The following RAB38 variants were observed in gnomAD, a reference collection of about 807,000 sequenced individuals.
RAB38 encodes the protein RAB38, member RAS oncogene family.
A neutral mutation model predicts 18.4 loss-of-function variants in RAB38; 15 were observed. The ratio of observed to expected loss-of-function variants is 0.82; its 90% CI spans 0.55 to 1.26. The LOEUF is 1.26. Ranked by LOEUF, RAB38 falls within the 50% of genes most tolerant of loss-of-function variation. RAB38 has a pLI of 0.00. For missense variants in RAB38, 294 were observed against 267.4 expected, an observed-to-expected ratio of 1.10 and a Z score of -0.69; for synonymous variants, 101 against 104.4, an observed-to-expected ratio of 0.97 and a Z score of 0.20.
intron 2 of RAB38, among the ~76,000 whole-genome samples, chr11:88,142,170 T>A (rs1942923022): frequency 1.3e-5 from 2 of 152,156 alleles, no homozygotes; most frequent in South Asian, 4.1e-4. Flanking sequence ...CTGAGAAGCA[T>A]GGAAACACTT....
chr11:88,149,539 A>G, intron 2 of RAB38, 136 bp downstream of exon 2: 1 of 1,045,666 alleles, frequency 9.6e-7, no homozygotes, highest in Non-Finnish European at 1.3e-6. Flanking sequence ...CTGAGATGAG[A>G]AAGAGCTTAG....
the RAB38 span, among the ~76,000 whole-genome samples, chr11:87,888,017 A>AT: frequency 2.6e-5 from 4 of 151,280 alleles, no homozygotes; most frequent in Admixed American, 6.6e-5. Context: ...TTTCCTGAAG[A>AT]TTTTTTTTTC....
At chr11:88,089,688 C>T in the RAB38 span, among the ~76,000 whole-genome samples, 1 of 151,894 alleles carries the variant, frequency 6.6e-6, no homozygotes, top group South Asian at 2.1e-4. Context: ...ACTTAAAAAA[C>T]CTCTCTATGA....
chr11:88,051,407 C>T, the RAB38 span, among the ~76,000 whole-genome samples: 4,435 of 151,956 alleles, frequency 0.029, 145 homozygotes, highest in East Asian at 0.15. Flanking sequence ...TACATCACCA[C>T]CTAGGTCCAC....
chr11:87,935,096 G>A, the RAB38 span, among the ~76,000 whole-genome samples: 9 of 151,810 alleles, frequency 5.9e-5, no homozygotes, highest in African/African-American at 1.7e-4. Flanking sequence ...CCTTCAAGGG[G>A]ACACAAACCA....
intron 2 of RAB38, among the ~76,000 whole-genome samples, chr11:88,123,154 CCT>C (rs772391735): frequency 1.4e-4 from 21 of 152,180 alleles, no homozygotes; most frequent in African/African-American, 3.4e-4. Flanking sequence ...GGAAATCCCC[CCT>C]GACTCCCCGA....
At chr11:87,806,954 C>T in the RAB38 span, among the ~76,000 whole-genome samples, 1 of 152,138 alleles carries the variant, frequency 6.6e-6, no homozygotes, top group Admixed American at 6.6e-5. Context: ...AGACTATAGC[C>T]TGTTAGGAAC....
the RAB38 span, among the ~76,000 whole-genome samples, chr11:87,944,511 T>C: frequency 2.0e-5 from 3 of 152,072 alleles, no homozygotes; most frequent in East Asian, 1.9e-4. Context: ...CTGAATCCTC[T>C]TCCTCCCAGA....
At chr11:87,949,235 A>G in the RAB38 span, among the ~76,000 whole-genome samples, 1 of 152,262 alleles carries the variant, frequency 6.6e-6, no homozygotes, top group African/African-American at 2.4e-5. Flanking sequence ...AGGTGGTGAT[A>G]GCCCCTTTAT....
the RAB38 span, among the ~76,000 whole-genome samples, chr11:87,923,205 C>T: frequency 8.6e-5 from 13 of 151,920 alleles, no homozygotes; most frequent in Admixed American, 2.6e-4. Context: ...GTTATATTTG[C>T]TACTTTGTTA....
At chr11:87,814,628 T>A in the RAB38 span, among the ~76,000 whole-genome samples, 1 of 152,214 alleles carries the variant, frequency 6.6e-6, no homozygotes, top group Non-Finnish European at 1.5e-5. Flanking sequence ...GGAATGCTTT[T>A]TCCCTGAGTT....
At chr11:88,094,533 A>G in the RAB38 span, among the ~76,000 whole-genome samples, 1 of 151,614 alleles carries the variant, frequency 6.6e-6, no homozygotes, top group African/African-American at 2.4e-5. Flanking sequence ...CTGTCCTTCA[A>G]CTCCTCATGT....
chr11:88,117,737 C>T (rs1031680254), intron 2 of RAB38, among the ~76,000 whole-genome samples: 2 of 152,280 alleles, frequency 1.3e-5, no homozygotes, highest in East Asian at 3.9e-4. Context: ...TTACTTTAAC[C>T]ACTTCATGCT....
At chr11:88,029,320 A>G in the RAB38 span, among the ~76,000 whole-genome samples, 1 of 151,964 alleles carries the variant, frequency 6.6e-6, no homozygotes, top group Non-Finnish European at 1.5e-5. Flanking sequence ...AACTGCATCA[A>G]CTAACGAGCA....
At chr11:87,805,377 G>A in the RAB38 span, among the ~76,000 whole-genome samples, 1 of 151,464 alleles carries the variant, frequency 6.6e-6, no homozygotes, top group East Asian at 2.0e-4. Flanking sequence ...TCATTTTCAT[G>A]TTAGAAGATA....
At chr11:87,922,209 G>C in the RAB38 span, among the ~76,000 whole-genome samples, 1 of 151,796 alleles carries the variant, frequency 6.6e-6, no homozygotes, top group Non-Finnish European at 1.5e-5. Context: ...ATTGCATTAG[G>C]GAGACAGATT....
chr11:87,904,012 A>G, the RAB38 span, among the ~76,000 whole-genome samples: 2 of 151,026 alleles, frequency 1.3e-5, no homozygotes, highest in African/African-American at 4.9e-5. Flanking sequence ...TTTGTTTTCT[A>G]TTTATTTTAT....
At chr11:87,842,515 C>A in the RAB38 span, among the ~76,000 whole-genome samples, 1 of 152,116 alleles carries the variant, frequency 6.6e-6, no homozygotes, top group African/African-American at 2.4e-5. Flanking sequence ...ATCTCAACAA[C>A]TATTAATTAG....
At chr11:88,044,126 C>T in the RAB38 span, among the ~76,000 whole-genome samples, 5 of 152,290 alleles carry the variant, frequency 3.3e-5, no homozygotes, top group Admixed American at 1.3e-4. Flanking sequence ...ACTCTGGTGC[C>T]GGTCACGGAC....
Sources: gnomAD v4.1 joint callset for allele counts (sites outside exome capture counted in the v4.1 genomes callset) on GRCh38, gnomAD v4.1.1 for gene constraint, MANE v1.5 for transcripts, NCBI Gene and HGNC (gene_info 2026-07-23, HGNC 2026-07-21) for gene names.